The following BMPR2 variants were observed in gnomAD, a reference collection of about 807,000 sequenced individuals.
BMPR2 encodes bone morphogenetic protein receptor type 2, also known as bone morphogenetic protein receptor type-2.
BMPR2 carries 29 observed loss-of-function variants against 100.8 expected under a neutral mutation model. That is an observed-to-expected ratio of 0.29 (90% confidence interval 0.21 to 0.39). BMPR2 has a LOEUF of 0.39. Among genes scored for constraint, BMPR2 ranks in the 10% least tolerant of loss-of-function variants. The probability of loss-of-function intolerance (pLI) is 1.00; values close to 1 mark genes in which losing one functional copy is unlikely to be tolerated. For missense variants in BMPR2, 1,011 were observed against 1,274.5 expected (o/e 0.79, Z 3.15); for synonymous variants, 382 against 442.3 (o/e 0.86, Z 1.71).
In BMPR2 at chr2:202,552,872, G is replaced by A; in HGVS notation, c.1570G>A (p.Ala524Thr). 1 of 1,614,184 alleles carries A rather than the reference G, an allele frequency of 6.2e-7. No homozygotes were observed. Among genetic ancestry groups the A allele is most frequent in the Non-Finnish European group, 8.5e-7 (1 of 1,180,032 alleles). Residue 524 changes from alanine to threonine, a missense_variant, in exon 11 of 13, where the codon GCT (alanine) becomes ACT (threonine). By Grantham distance (58) the Ala-to-Thr change is moderately conservative (BLOSUM62 0). Around this residue, in one of 6 missense-constraint regions of BMPR2, gnomAD observed 508 missense variants for 552.0 expected, o/e 0.92. Transcript: ENST00000374580. Reference protein sequence around the residue: ...VSPTVNPMSTAMQNERNLSHN... With the variant: ...VSPTVNPMSTTMQNERNLSHN... ...CCCAACAGTCAATCCAATGTCTACT[G>A]CTATGCAGAATGAACGGTAAGACCC...
chr2:202,457,481 C>G (rs1692136440), intron 1 of BMPR2, among the ~76,000 whole-genome samples: 1 of 147,528 alleles, frequency 6.8e-6, no homozygotes, highest in Non-Finnish European at 1.5e-5. Context: ...AGAAAAATGA[C>G]ATAAAGATCA....
intron 1 of BMPR2, among the ~76,000 whole-genome samples, chr2:202,412,098 CTA>C (rs1381422787): frequency 2.6e-5 from 4 of 152,070 alleles, no homozygotes; most frequent in South Asian, 2.1e-4. Context: ...TACAAAAACT[CTA>C]TACTATTTTT....
chr2:202,469,095 A>G (rs1184677452), intron 3 of BMPR2, among the ~76,000 whole-genome samples: 1 of 152,134 alleles, frequency 6.6e-6, no homozygotes, highest in Non-Finnish European at 1.5e-5. Flanking sequence ...CAATGGCACG[A>G]TCTCGGCTCA....
chr2:202,489,127 G>A (rs986555729), intron 3 of BMPR2, among the ~76,000 whole-genome samples: 1 of 151,496 alleles, frequency 6.6e-6, no homozygotes, highest in African/African-American at 2.4e-5. Flanking sequence ...TCAGCCTCCC[G>A]AGTAGCTGGT....
chr2:202,548,277 C>T (rs549689070), intron 10 of BMPR2, among the ~76,000 whole-genome samples: 19 of 152,156 alleles, frequency 1.2e-4, no homozygotes, highest in African/African-American at 4.3e-4. Context: ...TTTCATCTGA[C>T]ACAACCCACA....
At chr2:202,557,707 G>A (rs979671429) in intron 12 of BMPR2, among the ~76,000 whole-genome samples, 1 of 151,952 alleles carries the variant, frequency 6.6e-6, no homozygotes, top group Non-Finnish European at 1.5e-5. Flanking sequence ...GGGCCTCAAA[G>A]GTAATTAGAC....
intron 9 of BMPR2, among the ~76,000 whole-genome samples, chr2:202,538,020 G>T (rs1469016522): frequency 1.3e-5 from 2 of 152,196 alleles, no homozygotes; most frequent in Non-Finnish European, 2.9e-5. Flanking sequence ...TACTCAGGAG[G>T]CTGAGGCAGG....
chr2:202,539,583 A>C (rs984239685), intron 9 of BMPR2, among the ~76,000 whole-genome samples: 1 of 151,364 alleles, frequency 6.6e-6, no homozygotes, highest in Non-Finnish European at 1.5e-5. Flanking sequence ...CTGTATTATT[A>C]AATGGAAACA....
intron 9 of BMPR2, among the ~76,000 whole-genome samples, chr2:202,533,832 G>T (rs1315452418): frequency 6.6e-6 from 1 of 152,114 alleles, no homozygotes; most frequent in Non-Finnish European, 1.5e-5. Flanking sequence ...CAAAAAAAGG[G>T]AAAGAATACT....
At chr2:202,554,249 T>G (rs1486457512) in intron 11 of BMPR2, among the ~76,000 whole-genome samples, 1 of 152,078 alleles carries the variant, frequency 6.6e-6, no homozygotes, top group Non-Finnish European at 1.5e-5. Flanking sequence ...TGTTTTTACC[T>G]CTCTCAAAAG....
In BMPR2 at chr2:202,403,285, C is replaced by T. The variant is rs909302025; in HGVS notation, c.76+25735C>T. 3.3e-4 allele frequency among the ~76,000 whole-genome samples: 49 copies of T among 150,310 alleles called. 1 individual carries two copies. Among genetic ancestry groups the T allele is most frequent in the African/African-American group, 1.1e-3 (46 of 40,844 alleles). On this transcript the variant is annotated intron_variant, in intron 1 of 12. Coordinates refer to ENST00000374580, the MANE Select transcript of BMPR2 (RefSeq NM_001204.7). ...CGTCATCTTGGCTCACTGCAGCCTCCGCCTCCCGGGTTCAAGCAATTCTCC... is the reference window on the plus strand; with the variant it reads ...CGTCATCTTGGCTCACTGCAGCCTCTGCCTCCCGGGTTCAAGCAATTCTCC...
At chr2:202,468,867 CTAT>C (rs1267227343) in intron 3 of BMPR2, among the ~76,000 whole-genome samples, 1 of 151,846 alleles carries the variant, frequency 6.6e-6, no homozygotes, top group African/African-American at 2.4e-5. Flanking sequence ...AAAAGCCTAT[CTAT>C]TATTGACTTA....
rs375624016 is a variant in BMPR2, at chr2:202,376,511, A to AGGCGGC, written c.-933_-928dup. Reference sequence around the variant, plus strand: ...AGGAGCCCAGAGCTGCGGGAGAACGAGGCGGCGGCGGCGGCGGCGGCGGCG... The same window carrying AGGCGGC: ...AGGAGCCCAGAGCTGCGGGAGAACGAGGCGGCGGCGGCGGCGGCGGCGGCGGCGGCG... On this transcript the variant is annotated 5_prime_UTR_variant, in exon 1 of 13. Transcript: ENST00000374580. Among the ~76,000 whole-genome samples the AGGCGGC allele has an allele frequency of 0.016, 2,028 of 125,840 alleles. 28 individuals are homozygous for AGGCGGC. Among genetic ancestry groups the AGGCGGC allele is most frequent in the African/African-American group, 0.021 (705 of 34,004 alleles). The allele number at this position is 125,840 out of a possible 152,430, so 82.6% of individuals were successfully genotyped here. A position where few individuals can be genotyped will look rare whatever the true frequency, so the allele number is the denominator to read the frequency against.
rs558299045 is a variant in BMPR2, at chr2:202,378,475, A to C, written c.76+925A>C. 2.0e-4 allele frequency among the ~76,000 whole-genome samples: 30 copies of C among 152,284 alleles called. 1 individual carries two copies. In the South Asian group the frequency reaches 6.2e-3, roughly 32 times the overall value. On this transcript the variant is annotated intron_variant, in intron 1 of 12. Transcript: ENST00000374580. ...AGTAAAGGACCAAATGACCCTTTCG[A>C]ATTACTTTTTTTCTTTTGATAAGTG... is the stretch of plus-strand genomic sequence containing the variant.
intron 6 of BMPR2, among the ~76,000 whole-genome samples, chr2:202,519,877 G>A (rs1687789661): frequency 6.6e-6 from 1 of 152,102 alleles, no homozygotes; most frequent in African/African-American, 2.4e-5. Flanking sequence ...AATTTATAAT[G>A]TTTAAATTCC....
At chr2:202,526,165 C>T (rs949533786) in intron 7 of BMPR2, among the ~76,000 whole-genome samples, 1 of 152,154 alleles carries the variant, frequency 6.6e-6, no homozygotes, top group African/African-American at 2.4e-5. Flanking sequence ...AGCACCCAGC[C>T]TGGAGCATCT....
rs1046188572 is a variant in BMPR2 at position 202,560,193 on chromosome 2, T to C, written c.*247T>C. On this transcript the variant is annotated 3_prime_UTR_variant, in exon 13 of 13. Coordinates refer to ENST00000374580, the MANE Select transcript of BMPR2 (RefSeq NM_001204.7). Reference sequence around the variant, plus strand: ...TCGCTAAAGTTATATTTGTCTGTTATGACCACAGAGTTATATGTGTGTGTA... The same window carrying C: ...TCGCTAAAGTTATATTTGTCTGTTACGACCACAGAGTTATATGTGTGTGTA... The C allele has an allele frequency of 7.9e-6, 4 of 507,550 alleles. No individual in the cohort carries two copies. The highest frequency in any genetic ancestry group is 1.4e-5 in the Non-Finnish European group (4 of 283,318). The allele number at this position is 507,550 out of a possible 1,614,324, so 31.4% of individuals were successfully genotyped here.
intron 1 of BMPR2, among the ~76,000 whole-genome samples, chr2:202,443,248 G>T (rs1257084237): frequency 6.6e-6 from 1 of 150,754 alleles, no homozygotes; most frequent in African/African-American, 2.5e-5. Context: ...TAATATAATG[G>T]CTGTGTGTGT....
At chr2:202,473,998 G>A (rs1692487883) in intron 3 of BMPR2, among the ~76,000 whole-genome samples, 2 of 150,368 alleles carry the variant, frequency 1.3e-5, no homozygotes, top group Non-Finnish European at 1.5e-5. Context: ...CCAGCTGTTC[G>A]GGAGGCTGAG....
Sources: gnomAD v4.1 joint callset for allele counts (sites outside exome capture counted in the v4.1 genomes callset) on GRCh38, gnomAD v4.1.1 for gene constraint, gnomAD v4.1.1 regional missense constraint, MANE v1.5 for transcripts, NCBI Gene and HGNC (gene_info 2026-07-23, HGNC 2026-07-21) for gene names.